Variants in EPHB2 observed in about 807,000 individuals in gnomAD.
EPHB2 encodes the protein ephrin type-B receptor 2.
In EPHB2, 18 loss-of-function variants were observed where a neutral mutation model predicts 96.4. That is an observed-to-expected ratio of 0.19 (90% CI 0.13 to 0.28). EPHB2 has a LOEUF of 0.28. Among genes scored for constraint, EPHB2 ranks in the 10% least tolerant of loss-of-function variants. The pLI, the probability that EPHB2 is intolerant of heterozygous loss-of-function variation, is 1.00. For synonymous variants in EPHB2, 506 were observed against 534.1 expected, an observed-to-expected ratio of 0.95 and a Z score of 0.72; for missense variants, 989 against 1,355.4, an observed-to-expected ratio of 0.73 and a Z score of 4.25.
chr1:22,898,523 G>T (rs547334086), intron 9 of EPHB2, among the ~76,000 whole-genome samples: 2 of 152,370 alleles, frequency 1.3e-5, no homozygotes, highest in Admixed American at 6.5e-5. Context: ...AGTCCAACGT[G>T]CAGATGCTCA....
chr1:22,747,692 G>T (rs6664926), intron 1 of EPHB2, among the ~76,000 whole-genome samples: 1 of 152,366 alleles, frequency 6.6e-6, no homozygotes, highest in Admixed American at 6.5e-5. Context: ...CAAGCGAGCC[G>T]TCGGGGTTCC....
At chr1:22,730,625 G>A (rs533245196) in intron 1 of EPHB2, among the ~76,000 whole-genome samples, 1 of 152,082 alleles carries the variant, frequency 6.6e-6, no homozygotes, top group East Asian at 1.9e-4. Context: ...AAGCAAGAGA[G>A]GGGGTTCAGG....
At chr1:22,767,338 C>G (rs905012384) in intron 1 of EPHB2, among the ~76,000 whole-genome samples, 2 of 152,194 alleles carry the variant, frequency 1.3e-5, no homozygotes, top group African/African-American at 4.8e-5. Flanking sequence ...TCACCTGAGA[C>G]TTTCAACTCC....
chr1:22,869,604 G>A (rs1244723347), intron 5 of EPHB2, among the ~76,000 whole-genome samples: 2 of 152,082 alleles, frequency 1.3e-5, no homozygotes, highest in Non-Finnish European at 2.9e-5. Flanking sequence ...AAGATGGCCT[G>A]GGGGAGGGAA....
intron 6 of EPHB2, among the ~76,000 whole-genome samples, chr1:22,884,234 G>A (rs982374953): frequency 2.0e-5 from 3 of 152,204 alleles, no homozygotes; most frequent in Admixed American, 6.5e-5. Context: ...GGCTGGGCGC[G>A]GTGGCTCACG....
intron 3 of EPHB2, among the ~76,000 whole-genome samples, chr1:22,791,475 T>C (rs1414817082): frequency 4.4e-4 from 64 of 146,096 alleles, no homozygotes; most frequent in African/African-American, 1.0e-3. Context: ...TTCTTTCTTT[T>C]TTTTTTTTTT....
intron 1 of EPHB2, among the ~76,000 whole-genome samples, chr1:22,764,187 G>A (rs999892687): frequency 1.3e-5 from 2 of 152,132 alleles, no homozygotes; most frequent in African/African-American, 2.4e-5. Flanking sequence ...AGCCTGGCCC[G>A]AGGGTGCTGG....
chr1:22,789,811 C>G (rs1230244270), intron 3 of EPHB2, among the ~76,000 whole-genome samples: 1 of 152,134 alleles, frequency 6.6e-6, no homozygotes, highest in African/African-American at 2.4e-5. Flanking sequence ...CAATAGAGAT[C>G]AAAAAGTGGC....
In EPHB2 at chr1:22,774,486, G is replaced by T. The variant is rs907528412; in HGVS notation, c.62-6935G>T. On this transcript the variant is annotated intron_variant, in intron 1 of 15. Transcript: ENST00000374630. Reference sequence around the variant, plus strand: ...GAGCTCAGTTTTGGAAGAGAAGTTAGCCAGGCTAACAAAGCAAGAAGGGCC... The same window carrying T: ...GAGCTCAGTTTTGGAAGAGAAGTTATCCAGGCTAACAAAGCAAGAAGGGCC... 15 of 834,578 alleles carry T rather than the reference G, an allele frequency of 1.8e-5. No individual in the cohort carries two copies. In the East Asian group the frequency reaches 1.7e-3, roughly 96 times the overall value. The allele number at this position is 834,578 out of a possible 1,614,324, so 51.7% of individuals were successfully genotyped here. A position where few individuals can be genotyped will look rare whatever the true frequency, so the allele number is the denominator to read the frequency against.
intron 5 of EPHB2, among the ~76,000 whole-genome samples, chr1:22,874,570 T>C (rs963665944): frequency 1.2e-4 from 19 of 152,192 alleles, no homozygotes; most frequent in African/African-American, 3.9e-4. Context: ...GGTCCCCATC[T>C]CAGCCCTGCT....
chr1:22,880,840 A>C (rs1639016815), intron 5 of EPHB2, among the ~76,000 whole-genome samples: 1 of 152,252 alleles, frequency 6.6e-6, no homozygotes, highest in East Asian at 1.9e-4. Flanking sequence ...TGTGAGAAGG[A>C]GGCAAAAGAC....
At chr1:22,893,517 C>A (rs10917327) in intron 7 of EPHB2, among the ~76,000 whole-genome samples, 1 of 152,140 alleles carries the variant, frequency 6.6e-6, no homozygotes, top group Non-Finnish European at 1.5e-5. Flanking sequence ...AATGGGAGAT[C>A]GTAACCTGTG....
intron 1 of EPHB2, among the ~76,000 whole-genome samples, chr1:22,746,054 C>T (rs998022808): frequency 6.6e-6 from 1 of 152,134 alleles, no homozygotes; most frequent in Non-Finnish European, 1.5e-5. Flanking sequence ...CTGCTCTGAT[C>T]GAAATCTGGT....
At chr1:22,861,462 A>AC (rs34104306) in intron 3 of EPHB2, among the ~76,000 whole-genome samples, 3,179 of 152,148 alleles carry the variant, frequency 0.021, 35 homozygotes, top group Non-Finnish European at 0.032. Flanking sequence ...ACATAGTGAG[A>AC]CCCCCCATCT....
intron 1 of EPHB2, among the ~76,000 whole-genome samples, chr1:22,755,682 T>C (rs1456108920): frequency 6.6e-6 from 1 of 152,212 alleles, no homozygotes; most frequent in Non-Finnish European, 1.5e-5. Flanking sequence ...GTGCCTCGGT[T>C]TCCTCATCTG....
intron 3 of EPHB2, among the ~76,000 whole-genome samples, chr1:22,796,575 A>T (rs920362046): frequency 2.6e-5 from 4 of 152,154 alleles, no homozygotes; most frequent in African/African-American, 9.7e-5. Context: ...CCATCCCCCA[A>T]ACAAAGGGGG....
intron 3 of EPHB2, among the ~76,000 whole-genome samples, chr1:22,803,248 G>A (rs773660922): frequency 6.6e-6 from 1 of 152,108 alleles, no homozygotes; most frequent in South Asian, 2.1e-4. Flanking sequence ...CGCTGCCCTA[G>A]TGAGGCTGCA....
At chr1:22,806,046 A>T (rs1246601928) in intron 3 of EPHB2, among the ~76,000 whole-genome samples, 1 of 152,192 alleles carries the variant, frequency 6.6e-6, no homozygotes, top group African/African-American at 2.4e-5. Context: ...GAAGTCACAT[A>T]GCAAGTGACT....
chr1:22,921,449 AT>A lies in EPHB2; in HGVS notation c.*7884del. 6.6e-6 allele frequency: 1 copy of A among 152,290 alleles called. No individual in the cohort carries two copies. The highest frequency in any genetic ancestry group is 1.5e-5 in the Non-Finnish European group (1 of 68,022). 9.4% of individuals were successfully genotyped at this position (152,290 alleles called of 1,614,324 possible). A position where few individuals can be genotyped will look rare whatever the true frequency, so the allele number is the denominator to read the frequency against. ...GTTACTCCAATGCCTTTGTAGGAGT[AT>A]TTTTAGCAGAACCGTTTTTTTCCCA... is the stretch of plus-strand genomic sequence containing the variant. On this transcript the variant is annotated 3_prime_UTR_variant, in exon 16 of 16. Transcript: ENST00000374630.
Sources: allele counts gnomAD v4.1 joint callset (sites outside exome capture counted in the v4.1 genomes callset), GRCh38; gene constraint gnomAD v4.1.1; transcripts MANE v1.5; gene names NCBI Gene and HGNC (gene_info 2026-07-23, HGNC 2026-07-21).